TMEM272: variants seen among roughly 807,000 people sequenced by gnomAD.
TMEM272 encodes the protein long intergenic non-protein coding RNA 282.
A neutral mutation model predicts 3.7 loss-of-function variants in TMEM272; 8 were observed. The observed-to-expected ratio is 2.17, with a 90% CI of 1.27 to 3.91. The LOEUF (loss-of-function observed/expected upper bound fraction) is 3.91. Among genes scored for constraint, TMEM272 ranks in the 30% most tolerant of loss-of-function variants. The pLI is 0.00. For synonymous variants in TMEM272, 63 were observed against 39.8 expected (o/e 1.58, Z -2.20); for missense variants, 166 against 91.5 (o/e 1.81, Z -3.32).
At chr13:51,867,604 G>T in the TMEM272 span, among the ~76,000 whole-genome samples, 2 of 151,978 alleles carry the variant, frequency 1.3e-5, no homozygotes, top group Non-Finnish European at 2.9e-5. Flanking sequence ...GAAGATTGTG[G>T]GAAAGCCTGG....
chr13:51,923,776 G>A, the TMEM272 span, among the ~76,000 whole-genome samples: 2 of 152,014 alleles, frequency 1.3e-5, no homozygotes, highest in African/African-American at 4.8e-5. Flanking sequence ...GAGAGGACAG[G>A]GGGACAATCC....
At chr13:51,901,202 G>A in the TMEM272 span, among the ~76,000 whole-genome samples, 1 of 151,960 alleles carries the variant, frequency 6.6e-6, no homozygotes, top group Non-Finnish European at 1.5e-5. Context: ...AACCTCATCT[G>A]TACTCACAAA....
the TMEM272 span, among the ~76,000 whole-genome samples, chr13:51,875,786 T>C: frequency 6.6e-6 from 1 of 152,164 alleles, no homozygotes; most frequent in African/African-American, 2.4e-5. Context: ...CAGCTCCCAC[T>C]TGCCTGTACA....
chr13:51,858,503 T>C, the TMEM272 span, among the ~76,000 whole-genome samples: 7 of 152,190 alleles, frequency 4.6e-5, no homozygotes, highest in Admixed American at 1.3e-4. Context: ...AAATAGCCAA[T>C]AGATCCAAGA....
chr13:51,899,628 A>G, the TMEM272 span, among the ~76,000 whole-genome samples: 1 of 152,224 alleles, frequency 6.6e-6, no homozygotes, highest in African/African-American at 2.4e-5. Context: ...TCTGGCTTCT[A>G]TGTAGAAATT....
At chr13:51,853,437 A>AAT in the TMEM272 span, among the ~76,000 whole-genome samples, 1 of 152,066 alleles carries the variant, frequency 6.6e-6, no homozygotes, top group East Asian at 1.9e-4. Context: ...GAAGAAAGAA[A>AAT]ATATATTTAC....
At position 51,817,058 on chromosome 13, in the gene TMEM272, A is replaced by G. The variant is rs1956037225; in HGVS notation, c.257T>C (p.Val86Ala). Residue 86 changes from valine (V) to alanine (A), a missense_variant, in exon 5 of 5, where the codon GTG becomes GCG. Coordinates refer to ENST00000629372, the MANE Select transcript of TMEM272 (RefSeq NM_001351003.2). ...TRMRRLLSKAVVIDDDDDDEY... is the reference protein window; with the variant it reads ...TRMRRLLSKAAVIDDDDDDEY... ...GTCATCGTCATCGTCATCAATCACC[A>G]CGGCCTTGGACAGCAGCCGCCTCAT... 2 of 702,970 alleles carry G rather than the reference A, an allele frequency of 2.8e-6. No homozygotes were observed. Among genetic ancestry groups the G allele is most frequent in the Admixed American group, 2.0e-5 (1 of 50,010 alleles). 43.5% of individuals were successfully genotyped at this position (702,970 alleles called of 1,614,324 possible).
chr13:51,920,807 C>T, the TMEM272 span, among the ~76,000 whole-genome samples: 1 of 152,204 alleles, frequency 6.6e-6, no homozygotes, highest in East Asian at 1.9e-4. Context: ...GGGCAGGAGC[C>T]TTGTCTGAAT....
At chr13:51,926,896 AAAT>A in the TMEM272 span, among the ~76,000 whole-genome samples, 2 of 152,208 alleles carry the variant, frequency 1.3e-5, no homozygotes, top group African/African-American at 2.4e-5. Context: ...TTAAAAAATA[AAAT>A]AATAAAACAA....
At chr13:51,852,761 C>T in the TMEM272 span, among the ~76,000 whole-genome samples, 3 of 151,918 alleles carry the variant, frequency 2.0e-5, no homozygotes, top group Non-Finnish European at 2.9e-5. Flanking sequence ...CTTCTGTAAT[C>T]CCAGCTACTT....
chr13:51,827,624 T>C (rs1956138330), intron 2 of TMEM272, among the ~76,000 whole-genome samples: 1 of 152,184 alleles, frequency 6.6e-6, no homozygotes, highest in African/African-American at 2.4e-5. Context: ...CTGAGTCCTG[T>C]TGTCATGCTG....
Position 51,816,473 on chromosome 13 carries a change from C to G in TMEM272, c.*278G>C. 2.9e-6 allele frequency: 1 copy of G among 345,924 alleles called. No individual in the cohort carries two copies. Among genetic ancestry groups the G allele is most frequent in the Non-Finnish European group, 5.3e-6 (1 of 187,606 alleles). 21.4% of individuals were successfully genotyped at this position (345,924 alleles called of 1,614,324 possible). ...CTCCCACACTTCATACCCTCAAAAA[C>G]AATTATCCCTTTGAAAACTCTTGTG... On this transcript the variant is annotated 3_prime_UTR_variant, in exon 5 of 5. Coordinates refer to ENST00000629372, the MANE Select transcript of TMEM272 (RefSeq NM_001351003.2).
At chr13:51,875,347 T>C in the TMEM272 span, among the ~76,000 whole-genome samples, 1 of 152,072 alleles carries the variant, frequency 6.6e-6, no homozygotes, top group African/African-American at 2.4e-5. Context: ...CAAGTTAAAA[T>C]GCTTCATTCA....
At chr13:51,879,955 A>C in the TMEM272 span, among the ~76,000 whole-genome samples, 1 of 152,184 alleles carries the variant, frequency 6.6e-6, no homozygotes, top group Non-Finnish European at 1.5e-5. Flanking sequence ...TGGATGCCTC[A>C]AGTTGACACC....
chr13:51,836,156 A>T (rs997408523), intron 2 of TMEM272, among the ~76,000 whole-genome samples: 1 of 152,208 alleles, frequency 6.6e-6, no homozygotes, highest in Non-Finnish European at 1.5e-5. Flanking sequence ...AGAGTAAATG[A>T]GTTCATGTCA....
the TMEM272 span, among the ~76,000 whole-genome samples, chr13:51,883,474 G>C: frequency 6.6e-6 from 1 of 152,186 alleles, no homozygotes; most frequent in Non-Finnish European, 1.5e-5. Flanking sequence ...CTGTGAGAGG[G>C]GGCCCTAAAG....
chr13:51,822,574 G>A (rs1210546268), intron 3 of TMEM272, among the ~76,000 whole-genome samples: 1 of 152,154 alleles, frequency 6.6e-6, no homozygotes, highest in South Asian at 2.1e-4. Flanking sequence ...CTGCGTGAAT[G>A]AGGTTCTCAT....
the TMEM272 span, among the ~76,000 whole-genome samples, chr13:51,904,943 G>C: frequency 6.6e-6 from 1 of 152,186 alleles, no homozygotes. Flanking sequence ...TTTTGGAATA[G>C]ATAATTGCTG....
At chr13:51,910,168 T>C in the TMEM272 span, 1 of 1,065,656 alleles carries the variant, frequency 9.4e-7, no homozygotes, top group Admixed American at 1.7e-5. Flanking sequence ...TCTTCTTTTA[T>C]CCCCTTTTCT....
Sources: allele counts gnomAD v4.1 joint callset (sites outside exome capture counted in the v4.1 genomes callset), GRCh38; gene constraint gnomAD v4.1.1; transcripts MANE v1.5; gene names NCBI Gene and HGNC (gene_info 2026-07-23, HGNC 2026-07-21).